COL21A1: variants seen among roughly 807,000 people sequenced by gnomAD.
COL21A1 encodes the protein collagen alpha-1(XXI) chain.
A neutral mutation model predicts 137.9 loss-of-function variants in COL21A1; 149 were observed. The ratio of observed to expected loss-of-function variants is 1.08; its 90% CI spans 0.95 to 1.24. The LOEUF (loss-of-function observed/expected upper bound fraction) is 1.24, where lower values mean the gene tolerates loss of function less well. COL21A1 is among the 50% of genes most tolerant of loss of function. The pLI, the probability that COL21A1 is intolerant of heterozygous loss-of-function variation, is 0.00. For synonymous variants in COL21A1, 456 were observed against 391.5 expected, an observed-to-expected ratio of 1.16 and a Z score of -1.95; for missense variants, 1,167 against 1,158.4, an observed-to-expected ratio of 1.01 and a Z score of -0.11.
chr6:56,206,310 C>CA (rs1436695741), intron 1 of COL21A1, among the ~76,000 whole-genome samples: 1,400 of 65,156 alleles, frequency 0.021, 16 homozygotes, highest in African/African-American at 0.06. Context: ...AAATGGAAAG[C>CA]AAAAAAAAAA....
At chr6:56,099,169 AT>A (rs956659088) in intron 17 of COL21A1, among the ~76,000 whole-genome samples, 3 of 151,582 alleles carry the variant, frequency 2.0e-5, no homozygotes, top group Non-Finnish European at 4.4e-5. Context: ...GGGAGAATGA[AT>A]TACAGATTCC....
rs371608112 is a variant in COL21A1, at chr6:56,189,807, C to A, written c.-38-7151G>T. Among the ~76,000 whole-genome samples, 17 of 152,180 alleles carry A rather than the reference C, an allele frequency of 1.1e-4. No homozygotes were observed. The South Asian group carries it at 2.9e-3, about 26-fold the overall frequency. On this transcript the variant is annotated intron_variant, in intron 1 of 29. Transcript: ENST00000244728. ...CCTCAAAGCCAGAAGAGAGTGGGGG[C>A]CAATATTCAACATTCTTAAAGAAAA...
intron 1 of COL21A1, among the ~76,000 whole-genome samples, chr6:56,191,886 T>C (rs752228528): frequency 2.0e-5 from 3 of 152,072 alleles, no homozygotes; most frequent in Non-Finnish European, 2.9e-5. Context: ...AGAGCCCACA[T>C]AACCAAGACA....
chr6:56,164,208 G>A (rs1776397511), intron 9 of COL21A1, among the ~76,000 whole-genome samples: 1 of 152,136 alleles, frequency 6.6e-6, no homozygotes, highest in African/African-American at 2.4e-5. Flanking sequence ...GTTTAATGTG[G>A]ATGACAGATA....
At chr6:56,325,768 TTATA>T (rs1252806998) in intron 1 of COL21A1, among the ~76,000 whole-genome samples, 1 of 8,988 alleles carries the variant, frequency 1.1e-4, no homozygotes, top group African/African-American at 3.5e-4. Context: ...ATATTATATA[TTATA>T]TATATTTATA....
At chr6:56,067,249 C>A in intron 23 of COL21A1, 46 bp downstream of exon 23, 1 of 1,477,638 alleles carries the variant, frequency 6.8e-7, no homozygotes, top group Non-Finnish European at 9.4e-7. Flanking sequence ...TTTTTAAAAG[C>A]TCTGATTTTA....
At chr6:56,259,124 T>C (rs1258068662) in intron 1 of COL21A1, among the ~76,000 whole-genome samples, 1 of 152,182 alleles carries the variant, frequency 6.6e-6, no homozygotes, top group African/African-American at 2.4e-5. Flanking sequence ...TACCCTGACT[T>C]GGCCAGTAGA....
At chr6:56,147,146 T>G (rs1774895015) in intron 10 of COL21A1, among the ~76,000 whole-genome samples, 1 of 152,132 alleles carries the variant, frequency 6.6e-6, no homozygotes, top group Non-Finnish European at 1.5e-5. Context: ...TTAAACCATC[T>G]TTAGTAAATC....
At chr6:56,277,524 T>C (rs908833987) in intron 1 of COL21A1, among the ~76,000 whole-genome samples, 1 of 152,262 alleles carries the variant, frequency 6.6e-6, no homozygotes, top group African/African-American at 2.4e-5. Context: ...GGTATTTTCA[T>C]TAGCACTACT....
At chr6:56,072,685 A>T (rs1353407908) in intron 20 of COL21A1, among the ~76,000 whole-genome samples, 1 of 151,522 alleles carries the variant, frequency 6.6e-6, no homozygotes, top group Non-Finnish European at 1.5e-5. Flanking sequence ...CCAATTTTGC[A>T]CTATAATGAT....
chr6:56,102,603 C>G (rs1007488682), intron 16 of COL21A1, among the ~76,000 whole-genome samples: 1 of 152,146 alleles, frequency 6.6e-6, no homozygotes, highest in South Asian at 2.1e-4. Context: ...TATTATAACA[C>G]TGTCATCCAT....
intron 1 of COL21A1, among the ~76,000 whole-genome samples, chr6:56,338,535 G>A (rs1252083739): frequency 6.6e-6 from 1 of 152,112 alleles, no homozygotes; most frequent in Non-Finnish European, 1.5e-5. Context: ...CTAAGCCCAG[G>A]TACTTTCAAC....
chr6:56,145,495 A>C lies in COL21A1; in HGVS notation c.1435-3512T>G, dbSNP rs1047725401. Among the ~76,000 whole-genome samples, 6 of 152,186 alleles carry C rather than the reference A, an allele frequency of 3.9e-5. No individual in the cohort carries two copies. The East Asian group carries it at 1.2e-3, about 29-fold the overall frequency. ...AAAAACAAATTTTGGACTAAAAACC[A>C]GGAAAATAAAGGTTAAAAAGGGGAA... On this transcript the variant is annotated intron_variant, in intron 10 of 29. Transcript: ENST00000244728.
At chr6:56,376,414 C>G (rs1051061520) in intron 1 of COL21A1, among the ~76,000 whole-genome samples, 1 of 150,680 alleles carries the variant, frequency 6.6e-6, no homozygotes, top group Non-Finnish European at 1.5e-5. Context: ...GTAAGAAATA[C>G]CAGTAACCAG....
At chr6:56,312,258 G>T (rs1201940142) in intron 1 of COL21A1, among the ~76,000 whole-genome samples, 1 of 152,152 alleles carries the variant, frequency 6.6e-6, no homozygotes, top group Non-Finnish European at 1.5e-5. Flanking sequence ...TGACTTAGAA[G>T]GTTAATGCAA....
intron 1 of COL21A1, among the ~76,000 whole-genome samples, chr6:56,370,691 T>C (rs1450323687): frequency 6.6e-6 from 1 of 152,240 alleles, no homozygotes; most frequent in African/African-American, 2.4e-5. Flanking sequence ...AGTTGTAGCA[T>C]AATATTCTGA....
rs930664504 is a variant in COL21A1, at chr6:56,124,684, C to T, written c.1651-392G>A. Among the ~76,000 whole-genome samples, 11 of 152,170 alleles carry T rather than the reference C, an allele frequency of 7.2e-5. No individual in the cohort carries two copies. The East Asian group carries it at 1.9e-3, about 27-fold the overall frequency. The stretch of plus-strand genomic sequence containing the variant: ...TGAGACGGAGTCTCACTCTGTTGCC[C>T]AGGCTGGAGTGCAGTGGTGCAATCT... On this transcript the variant is annotated intron_variant, in intron 14 of 29. Coordinates refer to ENST00000244728, the MANE Select transcript of COL21A1 (RefSeq NM_030820.4).
chr6:56,213,594 T>C (rs1305216214), intron 1 of COL21A1, among the ~76,000 whole-genome samples: 1 of 152,088 alleles, frequency 6.6e-6, no homozygotes, highest in African/African-American at 2.4e-5. Context: ...AGTAAAACTC[T>C]GGCATATATG....
chr6:56,201,986 C>T (rs1779438233), intron 1 of COL21A1, among the ~76,000 whole-genome samples: 1 of 151,950 alleles, frequency 6.6e-6, no homozygotes, highest in African/African-American at 2.4e-5. Flanking sequence ...GAATACCTGG[C>T]TTGAAGTATA....
Sources: gnomAD v4.1 joint callset for allele counts (sites outside exome capture counted in the v4.1 genomes callset) on GRCh38, gnomAD v4.1.1 for gene constraint, MANE v1.5 for transcripts, NCBI Gene and HGNC (gene_info 2026-07-23, HGNC 2026-07-21) for gene names.